The following WWC1 variants were observed in gnomAD, a reference collection of about 807,000 sequenced individuals.
WWC1 encodes the protein protein KIBRA.
In WWC1, 55 loss-of-function variants were observed where a neutral mutation model predicts 138.4. The ratio of observed to expected loss-of-function variants is 0.40; its 90% CI spans 0.32 to 0.50. WWC1 has a LOEUF of 0.50. WWC1 is among the 20% of genes least tolerant of loss of function. The pLI, the probability that WWC1 is intolerant of heterozygous loss-of-function variation, is 0.72. For missense variants in WWC1, 1,226 were observed against 1,420.4 expected, an observed-to-expected ratio of 0.86 and a Z score of 2.20; for synonymous variants, 524 against 564.9, an observed-to-expected ratio of 0.93 and a Z score of 1.03.
rs1464156702 is a variant in WWC1 at position 168,414,488 on chromosome 5, A to G, written c.1082A>G (p.Lys361Arg). 5.1e-6 allele frequency: 8 copies of G among 1,561,568 alleles called. No homozygotes were observed. The highest frequency in any genetic ancestry group is 6.9e-6 in the Non-Finnish European group (8 of 1,152,270). The change falls in exon 9 of 23, where the codon AAG becomes AGG. Residue 361 changes from lysine (K) to arginine (R), a missense_variant. Coordinates refer to ENST00000265293, the MANE Select transcript of WWC1 (RefSeq NM_015238.3). ...LKEMRFISPR[K>R]WTQGEVEQLE... The stretch of plus-strand genomic sequence containing the variant: ...GAGATGCGCTTCATCAGCCCCCGCA[A>G]GTGGACCCAGGGGGAGGTGGAGCAG...
At chr5:168,411,380 T>A (rs543865418) in intron 8 of WWC1, among the ~76,000 whole-genome samples, 2 of 152,316 alleles carry the variant, frequency 1.3e-5, no homozygotes, top group South Asian at 4.2e-4. Context: ...AGGTGAAGCA[T>A]GGCAGTGCCC....
chr5:168,328,827 G>A (rs1364190366), intron 1 of WWC1, among the ~76,000 whole-genome samples: 1 of 152,052 alleles, frequency 6.6e-6, no homozygotes, highest in African/African-American at 2.4e-5. Context: ...GAGCCACCGC[G>A]CCTGGCCTGT....
At chr5:168,350,508 G>A (rs1037699795) in intron 1 of WWC1, among the ~76,000 whole-genome samples, 1 of 152,178 alleles carries the variant, frequency 6.6e-6, no homozygotes, top group Non-Finnish European at 1.5e-5. Flanking sequence ...GCTATTTGGC[G>A]TGGGTCACGA....
At chr5:168,400,576 G>A (rs1253573444) in intron 5 of WWC1, among the ~76,000 whole-genome samples, 1 of 152,214 alleles carries the variant, frequency 6.6e-6, no homozygotes. Flanking sequence ...TAGCAACACT[G>A]TAAGGAATGC....
chr5:168,293,908 C>T lies in WWC1; in HGVS notation c.119+1637C>T, dbSNP rs1769291140. Among the ~76,000 whole-genome samples the T allele has an allele frequency of 3.3e-5, 5 of 152,192 alleles. No individual in the cohort carries two copies. In the South Asian group the frequency reaches 8.3e-4, roughly 25 times the overall value. Reference sequence around the variant, plus strand: ...ACTTGTCACCCTGACACACTGCTTCCCCACCCTTACTCGGGTCAGTTGCCA... The same window carrying T: ...ACTTGTCACCCTGACACACTGCTTCTCCACCCTTACTCGGGTCAGTTGCCA... On this transcript the variant is annotated intron_variant, in intron 1 of 22. Transcript: ENST00000265293.
chr5:168,369,553 C>T (rs577222778), intron 1 of WWC1, among the ~76,000 whole-genome samples: 1 of 152,134 alleles, frequency 6.6e-6, no homozygotes, highest in Non-Finnish European at 1.5e-5. Context: ...CAGGTGTGTA[C>T]CACCATACCC....
intron 11 of WWC1, among the ~76,000 whole-genome samples, chr5:168,426,782 C>G (rs1426459338): frequency 1.3e-5 from 2 of 152,232 alleles, no homozygotes; most frequent in African/African-American, 4.8e-5. Context: ...CTCAATGCTG[C>G]GAGCCCTTGC....
chr5:168,432,238 G>A (rs185163899), intron 15 of WWC1, among the ~76,000 whole-genome samples: 1 of 152,206 alleles, frequency 6.6e-6, no homozygotes, highest in East Asian at 1.9e-4. Flanking sequence ...TCTTTATAAG[G>A]ATTGAGATAG....
chr5:168,319,826 G>A (rs554828632), intron 1 of WWC1, among the ~76,000 whole-genome samples: 69 of 152,244 alleles, frequency 4.5e-4, no homozygotes, highest in Non-Finnish European at 6.8e-4. Context: ...CTAATTTTTC[G>A]AGAAACTGCC....
chr5:168,384,741 A>G (rs1291724293), intron 2 of WWC1, among the ~76,000 whole-genome samples: 2 of 124,586 alleles, frequency 1.6e-5, no homozygotes, highest in African/African-American at 3.2e-5. Context: ...TTTTTCAGAC[A>G]GAGTCTCATT....
intron 5 of WWC1, among the ~76,000 whole-genome samples, chr5:168,400,685 A>G (rs566997490): frequency 9.1e-4 from 138 of 152,302 alleles, no homozygotes; most frequent in African/African-American, 3.0e-3. Context: ...ACAGTGGCTC[A>G]GGCCTGTAAT....
Position 168,464,900 on chromosome 5 carries a change from C to G in WWC1, c.3088C>G (p.Leu1030Val). ...EQAKSHGEKE[L>V]PQWLREDERF... Reference sequence around the variant, plus strand: ...AGCCAAGAGCCACGGGGAGAAGGAGCTGCCACAGTGGTTGCGTGAGGACGA... The same window carrying G: ...AGCCAAGAGCCACGGGGAGAAGGAGGTGCCACAGTGGTTGCGTGAGGACGA... Residue 1030 changes from leucine (L) to valine (V), a missense_variant, in exon 21 of 23, where the codon CTG becomes GTG. Physicochemically the swap from Leu to Val is conservative, Grantham distance 32. This residue lies in a region of WWC1 where 206 missense variants were observed against 247.4 expected (regional missense o/e 0.83). Coordinates refer to ENST00000265293, the MANE Select transcript of WWC1 (RefSeq NM_015238.3). 6.2e-7 allele frequency: 1 copy of G among 1,614,232 alleles called. No homozygotes were observed. Among genetic ancestry groups the G allele is most frequent in the South Asian group, 1.1e-5 (1 of 91,080 alleles).
chr5:168,367,565 C>T (rs1012121582), intron 1 of WWC1, among the ~76,000 whole-genome samples: 4 of 150,794 alleles, frequency 2.7e-5, no homozygotes, highest in East Asian at 2.0e-4. Context: ...GTGATCCGCC[C>T]GCCTCGGCCT....
chr5:168,339,608 A>G (rs979132305), intron 1 of WWC1, among the ~76,000 whole-genome samples: 1 of 152,194 alleles, frequency 6.6e-6, no homozygotes, highest in Non-Finnish European at 1.5e-5. Context: ...AAAGTGGGAA[A>G]AATACAGTAC....
At chr5:168,446,368 A>C (rs576051097) in intron 17 of WWC1, among the ~76,000 whole-genome samples, 3 of 151,720 alleles carry the variant, frequency 2.0e-5, no homozygotes, top group African/African-American at 2.4e-5. Context: ...CAACTTTCTC[A>C]CTTTGTGATT....
intron 1 of WWC1, among the ~76,000 whole-genome samples, chr5:168,295,972 T>A (rs1003596420): frequency 2.6e-5 from 4 of 152,198 alleles, no homozygotes; most frequent in Non-Finnish European, 4.4e-5. Flanking sequence ...AAGGCCAGCC[T>A]GGGAAGGTGA....
intron 20 of WWC1, among the ~76,000 whole-genome samples, chr5:168,463,987 T>C (rs538955301): frequency 1.3e-5 from 2 of 152,228 alleles, no homozygotes; most frequent in South Asian, 2.1e-4. Context: ...AGTGCCAGAA[T>C]TGAGTATTAA....
At chr5:168,357,335 T>G (rs1290905830) in intron 1 of WWC1, among the ~76,000 whole-genome samples, 1 of 130,428 alleles carries the variant, frequency 7.7e-6, no homozygotes, top group Non-Finnish European at 1.7e-5. Context: ...CACACACACT[T>G]TTTGGGCCAA....
Position 168,431,407 on chromosome 5 carries a change from T to C in WWC1, c.2243T>C (p.Val748Ala), listed in dbSNP as rs1457696896. The C allele has an allele frequency of 2.5e-6, 4 of 1,613,130 alleles. No individual in the cohort carries two copies. The African/African-American group carries it at 4.0e-5, about 16-fold the overall frequency. Residue 748 changes from valine (V) to alanine (A), a missense_variant, in exon 15 of 23, where the codon GTC (valine) becomes GCC (alanine). This residue lies in a region of WWC1 where 1,016 missense variants were observed against 1,153.9 expected (regional missense o/e 0.88). Coordinates refer to ENST00000265293, the MANE Select transcript of WWC1 (RefSeq NM_015238.3). ...CACCAGAAGACCTTAAGAGTCGATG[T>C]CTGTACCACCGACAGGAGCCATCTG... ...ALHQKTLRVD[V>A]CTTDRSHLEE...
Sources: allele counts gnomAD v4.1 joint callset (sites outside exome capture counted in the v4.1 genomes callset), GRCh38; gene constraint gnomAD v4.1.1; regional missense constraint gnomAD v4.1.1; transcripts MANE v1.5; gene names NCBI Gene and HGNC (gene_info 2026-07-23, HGNC 2026-07-21).